Variants in EVC observed in about 807,000 individuals in gnomAD.
EVC encodes EvC ciliary complex subunit 1.
In EVC, 116 loss-of-function variants were observed where a neutral mutation model predicts 118.9. That is an observed-to-expected ratio of 0.98 (90% CI 0.84 to 1.14). The LOEUF (loss-of-function observed/expected upper bound fraction) is 1.14. Ranked by LOEUF, EVC falls within the 50% of genes most tolerant of loss-of-function variation. The probability of loss-of-function intolerance (pLI) is 0.00; values close to 1 mark genes in which losing one functional copy is unlikely to be tolerated. For missense variants in EVC, 1,401 were observed against 1,246.4 expected (o/e 1.12, Z -1.87); for synonymous variants, 619 against 534.7 (o/e 1.16, Z -2.18).
Position 5,731,593 on chromosome 4 carries a change from G to T in EVC, c.553G>T (p.Asp185Tyr). 6.2e-7 allele frequency: 1 copy of T among 1,614,170 alleles called. No individual in the cohort carries two copies. Among genetic ancestry groups the T allele is most frequent in the Non-Finnish European group, 8.5e-7 (1 of 1,180,036 alleles). Residue 185 changes from aspartate to tyrosine, a missense_variant, in exon 4 of 21, where the codon GAC (aspartate) becomes TAC (tyrosine). Transcript: ENST00000264956. This position sits in a 1 kb window ranked among gnomAD's most constrained non-coding sequence, Gnocchi z 5.6. ...SSSVHSATSD[D>Y]RFLSRTFLRV... Reference sequence around the variant, plus strand: ...CAGCGTCCACTCGGCCACCAGCGATGACAGGTTTCTCAGCCGCACCTTCCT... The same window carrying T: ...CAGCGTCCACTCGGCCACCAGCGATTACAGGTTTCTCAGCCGCACCTTCCT...
chr4:5,727,473 C>G (rs1726049470), intron 2 of EVC, among the ~76,000 whole-genome samples: 1 of 152,044 alleles, frequency 6.6e-6, no homozygotes, highest in South Asian at 2.1e-4. Context: ...TGGATATTAG[C>G]CCTTTGTCAG....
intron 11 of EVC, among the ~76,000 whole-genome samples, chr4:5,775,545 G>A (rs572524288): frequency 1.1e-4 from 17 of 152,286 alleles, no homozygotes; most frequent in African/African-American, 4.1e-4. Flanking sequence ...TACAGCATGT[G>A]CTTTGTCCCA....
chr4:5,752,534 T>G, intron 8 of EVC: 6 of 473,052 alleles, frequency 1.3e-5, no homozygotes, highest in Non-Finnish European at 1.6e-5. Flanking sequence ...TCCTTGACCG[T>G]TTGTAAATCT....
intron 11 of EVC, among the ~76,000 whole-genome samples, chr4:5,764,753 C>G (rs1301828151): frequency 6.8e-6 from 1 of 147,218 alleles, no homozygotes; most frequent in Non-Finnish European, 1.5e-5. Flanking sequence ...GTGATATCCC[C>G]TTTATCATTT....
intron 17 of EVC, 44 bp downstream of exon 17, chr4:5,804,885 C>T: frequency 1.3e-6 from 2 of 1,499,616 alleles, no homozygotes; most frequent in Non-Finnish European, 9.3e-7. Flanking sequence ...TTCTCTACCC[C>T]ATTCACATGG....
At chr4:5,818,664 C>T (rs1476765832), downstream of EVC, among the ~76,000 whole-genome samples, 1 of 152,178 alleles carries the variant, frequency 6.6e-6, no homozygotes, top group East Asian at 1.9e-4. Context: ...AGCCAATACA[C>T]TCAGCCCCCT....
At position 5,808,447 on chromosome 4, in the gene EVC, G is replaced by A. The variant is rs527286989; in HGVS notation, c.2688+120G>A. The stretch of plus-strand genomic sequence containing the variant: ...ACTGCACTTCCCTGCCTGTGGCATC[G>A]TTGACCCGCTGAGTCTCACCTGCTG... On this transcript the variant is annotated intron_variant, in intron 18 of 20. Coordinates refer to ENST00000264956, the MANE Select transcript of EVC (RefSeq NM_153717.3). The A allele has an allele frequency of 3.1e-5, 46 of 1,487,840 alleles. No individual in the cohort carries two copies. In the Admixed American group the frequency reaches 4.5e-4, roughly 15 times the overall value. The allele number at this position is 1,487,840 out of a possible 1,614,324, so 92.2% of individuals were successfully genotyped here. A position where few individuals can be genotyped will look rare whatever the true frequency, so the allele number is the denominator to read the frequency against.
At chr4:5,775,912 C>G (rs1734654866) in intron 11 of EVC, among the ~76,000 whole-genome samples, 1 of 152,080 alleles carries the variant, frequency 6.6e-6, no homozygotes, top group Admixed American at 6.5e-5. Context: ...TCAAGTCTTC[C>G]AATCAAGAAA....
At chr4:5,792,492 A>C (rs146061132) in intron 12 of EVC, among the ~76,000 whole-genome samples, 2 of 152,016 alleles carry the variant, frequency 1.3e-5, no homozygotes, top group Admixed American at 6.5e-5. Context: ...TTGAAAGACA[A>C]ACAAATTGAA....
chr4:5,745,384 T>A (rs1433115361), intron 7 of EVC, 43 bp downstream of exon 7: 1 of 1,605,118 alleles, frequency 6.2e-7, no homozygotes. Flanking sequence ...TTTTGGTTCC[T>A]AAAACAGTTA....
intron 1 of EVC, among the ~76,000 whole-genome samples, chr4:5,718,933 C>T (rs1449205397): frequency 6.6e-6 from 1 of 152,200 alleles, no homozygotes; most frequent in African/African-American, 2.4e-5. Flanking sequence ...GGGTCCCCAA[C>T]CTAGAAGAAA....
the EVC span, chr4:5,825,352 G>A: frequency 0.18 from 259,693 of 1,416,966 alleles, 29,957 homozygotes; most frequent in African/African-American, 0.58. The surrounding 1 kb of genome is among the most constrained non-coding windows in gnomAD (Gnocchi z 4.4). Flanking sequence ...ACCAGTGAGA[G>A]CAGGCTCGGG....
intron 18 of EVC, 90 bp from the exon 19 acceptor site, chr4:5,809,428 C>A: frequency 8.6e-7 from 1 of 1,161,408 alleles, no homozygotes; most frequent in African/African-American, 1.5e-5. Context: ...CAGTGGCCAG[C>A]CTCAAGTGTC....
At chr4:5,816,785 C>G (rs954741999), downstream of EVC, among the ~76,000 whole-genome samples, 1 of 151,698 alleles carries the variant, frequency 6.6e-6, no homozygotes, top group African/African-American at 2.4e-5. Flanking sequence ...GCTCTCTCCT[C>G]ATTTTGCCTC....
chr4:5,810,045 C>T (rs752111025), intron 19 of EVC, among the ~76,000 whole-genome samples: 11 of 152,210 alleles, frequency 7.2e-5, no homozygotes, highest in Non-Finnish European at 1.3e-4. Flanking sequence ...CTTGCTGCTT[C>T]ATTAAGTCTT....
At chr4:5,758,385 C>A in intron 11 of EVC, 1 of 446,374 alleles carries the variant, frequency 2.2e-6, no homozygotes, top group Non-Finnish European at 4.0e-6. Flanking sequence ...GGGCTAGCTC[C>A]TATCTTAAGT....
intron 11 of EVC, among the ~76,000 whole-genome samples, chr4:5,780,898 A>G (rs1476400906): frequency 1.3e-5 from 2 of 152,232 alleles, no homozygotes; most frequent in South Asian, 2.1e-4. Flanking sequence ...GAAACCAGGC[A>G]CAAGTTTCCA....
At chr4:5,726,728 C>G (rs1318158540) in intron 2 of EVC, among the ~76,000 whole-genome samples, 4 of 123,078 alleles carry the variant, frequency 3.2e-5, no homozygotes, top group Non-Finnish European at 6.6e-5. Context: ...CCCCTCCCCC[C>G]ACCCGACAAC....
intron 4 of EVC, among the ~76,000 whole-genome samples, chr4:5,732,858 A>G (rs956711342): frequency 2.0e-5 from 3 of 151,916 alleles, no homozygotes; most frequent in African/African-American, 7.3e-5. Flanking sequence ...ATAAAATCCA[A>G]AATCAACCGG....
Sources: allele counts gnomAD v4.1 joint callset (sites outside exome capture counted in the v4.1 genomes callset), GRCh38; gene constraint gnomAD v4.1.1; non-coding constraint Gnocchi (gnomAD v3.1); transcripts MANE v1.5; gene names NCBI Gene and HGNC (gene_info 2026-07-23, HGNC 2026-07-21).